UNC13B: variants seen among roughly 807,000 people sequenced by gnomAD.
UNC13B encodes unc-13 homolog B, also known as protein unc-13 homolog B.
In UNC13B, 144 loss-of-function variants were observed where a neutral mutation model predicts 211.0. That is an observed-to-expected ratio of 0.68 (90% confidence interval 0.60 to 0.78). UNC13B has a LOEUF of 0.78. Among genes scored for constraint, UNC13B ranks in the 30% least tolerant of loss-of-function variants. The pLI is 0.00. For missense variants in UNC13B, 1,777 were observed against 2,002.0 expected (o/e 0.89, Z 2.14); for synonymous variants, 709 against 725.8 (o/e 0.98, Z 0.37).
At chr9:35,366,856 T>C (rs915319960) in intron 11 of UNC13B, 91 bp from the exon 12 acceptor site, 4 of 1,103,036 alleles carry the variant, frequency 3.6e-6, no homozygotes, top group Non-Finnish European at 5.6e-6. Context: ...CTTACACTGC[T>C]CTGGGCTTGT....
chr9:35,351,143 A>G (rs1247427074), intron 11 of UNC13B, among the ~76,000 whole-genome samples: 2 of 152,244 alleles, frequency 1.3e-5, no homozygotes, highest in African/African-American at 2.4e-5. Context: ...CTGACTGCCC[A>G]TAGCCTTTAA....
At chr9:35,402,178 G>T (rs1836349634) in intron 37 of UNC13B, among the ~76,000 whole-genome samples, 3 of 152,104 alleles carry the variant, frequency 2.0e-5, no homozygotes, top group African/African-American at 4.8e-5. Context: ...AAGGGGTTCT[G>T]TTGTTGATCT....
chr9:35,184,502 G>A lies in UNC13B; in HGVS notation c.22+22197G>A, dbSNP rs573615068. Reference sequence around the variant, plus strand: ...GCGGGCAGATCACTCGAGGTCAGGAGTGGGAGACCAGCCCGGTCAACAGGG... The same window carrying A: ...GCGGGCAGATCACTCGAGGTCAGGAATGGGAGACCAGCCCGGTCAACAGGG... On this transcript the variant is annotated intron_variant, in intron 1 of 39. Transcript: ENST00000635942. Among the ~76,000 whole-genome samples the A allele has an allele frequency of 1.2e-4, 19 of 152,338 alleles. No homozygotes were observed. In the East Asian group the frequency reaches 3.5e-3, roughly 28 times the overall value.
chr9:35,398,947 C>T lies in UNC13B; in HGVS notation c.11987C>T (p.Thr3996Ile). 1 of 1,614,194 alleles carries T rather than the reference C, an allele frequency of 6.2e-7. No individual in the cohort carries two copies. The highest frequency in any genetic ancestry group is 8.5e-7 in the Non-Finnish European group (1 of 1,180,038). Residue 3996 changes from threonine to isoleucine, a missense_variant, in exon 33 of 40, where the codon ACA (threonine) becomes ATA (isoleucine). Transcript: ENST00000635942. ...MADILGQVRG[T>I]GNASPDARAS... ...GACATCCTGGGCCAGGTTCGGGGCA[C>T]AGGGAATGCATCTCCAGACGCCAGG...
intron 11 of UNC13B, among the ~76,000 whole-genome samples, chr9:35,328,651 CCTTCCTT>C (rs1831175822): frequency 2.6e-5 from 3 of 113,638 alleles, no homozygotes; most frequent in Non-Finnish European, 5.2e-5. Flanking sequence ...TTCCTTCCTT[CCTTCCTT>C]CCTTCCTCCC....
rs533076796 is a variant in UNC13B, at chr9:35,248,549, C to T, written c.468+5185C>T. Among the ~76,000 whole-genome samples the T allele has an allele frequency of 7.5e-4, 114 of 151,896 alleles. 1 individual carries two copies. The South Asian group carries it at 0.019, about 25-fold the overall frequency. ...TGAATGTGTCCCAGAGATTCTGGTTCGTTGTGTCTTTGTTCTCGTTGGTTT... is the reference window on the plus strand; with the variant it reads ...TGAATGTGTCCCAGAGATTCTGGTTTGTTGTGTCTTTGTTCTCGTTGGTTT... On this transcript the variant is annotated intron_variant, in intron 6 of 39. Transcript: ENST00000635942.
At chr9:35,250,235 A>G (rs1012122730) in intron 6 of UNC13B, among the ~76,000 whole-genome samples, 2 of 152,196 alleles carry the variant, frequency 1.3e-5, no homozygotes, top group East Asian at 1.9e-4. Flanking sequence ...GGCTTTTACT[A>G]GCTTCATAGT....
At chr9:35,255,085 T>C (rs1037313149) in intron 6 of UNC13B, among the ~76,000 whole-genome samples, 1 of 125,410 alleles carries the variant, frequency 8.0e-6, no homozygotes, top group Non-Finnish European at 1.6e-5. Context: ...ATATATATAT[T>C]ATATATATAT....
At chr9:35,287,857 G>A (rs796536142) in intron 7 of UNC13B, among the ~76,000 whole-genome samples, 18 of 151,802 alleles carry the variant, frequency 1.2e-4, no homozygotes, top group African/African-American at 4.1e-4. Context: ...GCTGTCTACT[G>A]GCCATGTTCA....
intron 22 of UNC13B, chr9:35,385,493 G>T: frequency 1.0e-6 from 1 of 985,424 alleles, no homozygotes; most frequent in Non-Finnish European, 1.2e-6. Flanking sequence ...GCTGGAGGAG[G>T]ATGTGTCACT....
chr9:35,258,005 AG>A (rs1365469957), intron 6 of UNC13B, among the ~76,000 whole-genome samples: 1 of 152,230 alleles, frequency 6.6e-6, no homozygotes, highest in Non-Finnish European at 1.5e-5. Flanking sequence ...ACACTAGAAA[AG>A]TTCGAATTCT....
At chr9:35,365,001 A>G (rs536111558) in intron 11 of UNC13B, among the ~76,000 whole-genome samples, 1 of 152,382 alleles carries the variant, frequency 6.6e-6, no homozygotes, top group African/African-American at 2.4e-5. Context: ...ATTTGAGAGC[A>G]GGCTTTGCTG....
intron 7 of UNC13B, among the ~76,000 whole-genome samples, chr9:35,278,982 A>T (rs544066963): frequency 1.3e-5 from 2 of 152,182 alleles, no homozygotes; most frequent in Non-Finnish European, 2.9e-5. Flanking sequence ...GCTTTTTATC[A>T]TATAATATGT....
At chr9:35,329,073 G>T (rs371131966) in intron 11 of UNC13B, among the ~76,000 whole-genome samples, 2 of 151,694 alleles carry the variant, frequency 1.3e-5, no homozygotes, top group African/African-American at 4.8e-5. Flanking sequence ...GCCCAGCCCC[G>T]AATTGTCCCC....
intron 6 of UNC13B, among the ~76,000 whole-genome samples, chr9:35,251,123 C>T (rs994671834): frequency 2.7e-4 from 41 of 151,894 alleles, no homozygotes; most frequent in African/African-American, 7.2e-4. Context: ...CCACCGCACC[C>T]GGCTAATTTT....
chr9:35,393,972 C>G (rs1431369972), intron 26 of UNC13B, among the ~76,000 whole-genome samples: 2 of 152,084 alleles, frequency 1.3e-5, no homozygotes, highest in Non-Finnish European at 2.9e-5. Flanking sequence ...GTCGCTCTGT[C>G]TACAGTGTGG....
intron 1 of UNC13B, among the ~76,000 whole-genome samples, chr9:35,188,622 A>G (rs1307568002): frequency 6.6e-6 from 1 of 152,188 alleles, no homozygotes; most frequent in Admixed American, 6.5e-5. Flanking sequence ...AGGAAAGACA[A>G]TTTTGAAACT....
In UNC13B at chr9:35,399,180, G is replaced by A. The variant is rs766581016; in HGVS notation, c.12094G>A (p.Val4032Met). Residue 4032 changes from valine to methionine, a missense_variant, in exon 34 of 40, where the codon GTG (valine) becomes ATG (methionine). Transcript: ENST00000635942. ...TTGCAGCCTCACCCTCTTTGCCACT[G>A]TGTGTGAGAAGACGGTTCTGAAGCG... Reference protein sequence around the residue: ...LDGNLTLFATVCEKTVLKRVL... With the variant: ...LDGNLTLFATMCEKTVLKRVL... The A allele has an allele frequency of 6.2e-7, 1 of 1,614,188 alleles. No homozygotes were observed. The highest frequency in any genetic ancestry group is 8.5e-7 in the Non-Finnish European group (1 of 1,180,030).
At chr9:35,281,430 G>A (rs1828488201) in intron 7 of UNC13B, among the ~76,000 whole-genome samples, 1 of 150,320 alleles carries the variant, frequency 6.7e-6, no homozygotes, top group Non-Finnish European at 1.5e-5. Context: ...AAAAGAGAGA[G>A]AGAGGAATGA....
Sources: gnomAD v4.1 joint callset for allele counts (sites outside exome capture counted in the v4.1 genomes callset) on GRCh38, gnomAD v4.1.1 for gene constraint, MANE v1.5 for transcripts, NCBI Gene and HGNC (gene_info 2026-07-23, HGNC 2026-07-21) for gene names.